The following WWOX variants were observed in gnomAD, a reference collection of about 807,000 sequenced individuals.
WWOX encodes WW domain-containing oxidoreductase.
Under a neutral mutation model 46.2 loss-of-function variants are expected in WWOX, and 69 were observed. The ratio of observed to expected loss-of-function variants is 1.49; its 90% CI spans 1.23 to 1.82. The LOEUF is 1.82. Ranked by LOEUF, WWOX falls within the 40% of genes most tolerant of loss-of-function variation. The probability of loss-of-function intolerance (pLI) is 0.00; values close to 1 mark genes in which losing one functional copy is unlikely to be tolerated. For missense variants in WWOX, 919 were observed against 542.6 expected (o/e 1.69, Z -6.89); for synonymous variants, 359 against 202.6 (o/e 1.77, Z -6.56).
intron 8 of WWOX, among the ~76,000 whole-genome samples, chr16:78,630,189 C>T (rs1341766244): frequency 6.6e-6 from 1 of 152,258 alleles, no homozygotes; most frequent in South Asian, 2.1e-4. Flanking sequence ...ATTGTGTATT[C>T]CTCATCTGGC....
intron 8 of WWOX, among the ~76,000 whole-genome samples, chr16:78,665,355 A>G (rs1235475533): frequency 6.6e-6 from 1 of 152,174 alleles, no homozygotes. Flanking sequence ...ATAACTGTGA[A>G]TTTGAATATA....
At chr16:78,584,664 G>C (rs542147695) in intron 8 of WWOX, among the ~76,000 whole-genome samples, 1 of 152,184 alleles carries the variant, frequency 6.6e-6, no homozygotes, top group Non-Finnish European at 1.5e-5. Context: ...TTGTGTAAAC[G>C]TGAAAAGCAG....
intron 5 of WWOX, among the ~76,000 whole-genome samples, chr16:78,327,314 G>A (rs1424758300): frequency 6.6e-6 from 1 of 152,138 alleles, no homozygotes; most frequent in Non-Finnish European, 1.5e-5. Flanking sequence ...CTAAAAGTTG[G>A]GATGGGGGTG....
chr16:78,894,066 TCTTG>T (rs2044650144), intron 8 of WWOX, among the ~76,000 whole-genome samples: 1 of 148,884 alleles, frequency 6.7e-6, no homozygotes, highest in Non-Finnish European at 1.5e-5. Flanking sequence ...TGAGACAGGG[TCTTG>T]CTTTCTTGCC....
intron 8 of WWOX, among the ~76,000 whole-genome samples, chr16:78,950,810 C>T (rs568259706): frequency 3.3e-5 from 5 of 152,214 alleles, no homozygotes; most frequent in South Asian, 2.1e-4. Flanking sequence ...TGAAGGTTGG[C>T]ACCTTTGGGG....
chr16:78,664,559 T>C (rs938753102), intron 8 of WWOX, among the ~76,000 whole-genome samples: 1 of 152,184 alleles, frequency 6.6e-6, no homozygotes, highest in East Asian at 1.9e-4. Flanking sequence ...CCACTTAAAA[T>C]GTGAGCAGAG....
intron 7 of WWOX, among the ~76,000 whole-genome samples, chr16:78,429,302 A>C (rs2083162053): frequency 6.6e-6 from 1 of 152,198 alleles, no homozygotes; most frequent in African/African-American, 2.4e-5. Flanking sequence ...GAACACTAGG[A>C]ATGGTGTCAT....
rs149786364 is a variant in WWOX, at chr16:78,769,042, A to T, written c.1056+336290A>T. Reference sequence around the variant, plus strand: ...GTCAATTTGTTGTTATTTTTCTTCAAGAGAGTTGTTGGGGTTGGGTAGGCG... The same window carrying T: ...GTCAATTTGTTGTTATTTTTCTTCATGAGAGTTGTTGGGGTTGGGTAGGCG... On this transcript the variant is annotated intron_variant, in intron 8 of 8. Transcript: ENST00000566780. 6.6e-5 allele frequency among the ~76,000 whole-genome samples: 10 copies of T among 152,264 alleles called. No individual in the cohort carries two copies. In the East Asian group the frequency reaches 1.9e-3, roughly 29 times the overall value.
At chr16:78,686,714 C>T (rs550679520) in intron 8 of WWOX, among the ~76,000 whole-genome samples, 2 of 152,110 alleles carry the variant, frequency 1.3e-5, no homozygotes, top group African/African-American at 4.8e-5. Flanking sequence ...TTAGGAAAGG[C>T]CCAGTAGGCA....
intron 8 of WWOX, among the ~76,000 whole-genome samples, chr16:78,919,702 G>A (rs994006328): frequency 7.2e-5 from 11 of 151,854 alleles, no homozygotes; most frequent in African/African-American, 2.4e-4. Context: ...ATTTTTAGGA[G>A]AGAGGGGTTT....
At chr16:78,290,224 A>AGAGCACTCTGCGAGCACTCTGC (rs201738326) in intron 5 of WWOX, among the ~76,000 whole-genome samples, 1 of 152,046 alleles carries the variant, frequency 6.6e-6, no homozygotes, top group African/African-American at 2.4e-5. Context: ...ATTTACTTAG[A>AGAGCACTCTGCGAGCACTCTGC]GAGCACTCTG....
At chr16:78,105,522 T>C (rs542342820) in intron 1 of WWOX, among the ~76,000 whole-genome samples, 82 of 152,152 alleles carry the variant, frequency 5.4e-4, no homozygotes, top group Non-Finnish European at 5.6e-4. Context: ...GAAACCCTGA[T>C]TCAGGCATGT....
intron 8 of WWOX, among the ~76,000 whole-genome samples, chr16:79,081,268 A>G (rs1278627829): frequency 1.3e-5 from 2 of 152,092 alleles, no homozygotes; most frequent in African/African-American, 4.8e-5. Context: ...TGTTCAAGTG[A>G]TTCTCCTGTC....
intron 8 of WWOX, among the ~76,000 whole-genome samples, chr16:79,084,452 G>C (rs970150178): frequency 6.6e-6 from 1 of 152,008 alleles, no homozygotes; most frequent in African/African-American, 2.4e-5. Context: ...ATGGAGTCTC[G>C]CTCTGTTGCC....
chr16:79,109,572 A>G (rs1192004614), intron 8 of WWOX, among the ~76,000 whole-genome samples: 1 of 152,216 alleles, frequency 6.6e-6, no homozygotes, highest in Non-Finnish European at 1.5e-5. Context: ...GTGGAGAGCA[A>G]TGTAAGGCAG....
chr16:79,053,693 G>C (rs573948826), intron 8 of WWOX, among the ~76,000 whole-genome samples: 1 of 152,260 alleles, frequency 6.6e-6, no homozygotes, highest in East Asian at 1.9e-4. Flanking sequence ...CGCTTTTAGA[G>C]GATTTTGCAT....
intron 8 of WWOX, among the ~76,000 whole-genome samples, chr16:78,462,113 C>T (rs2083965551): frequency 6.6e-6 from 1 of 152,188 alleles, no homozygotes. Context: ...CTCTTGAAGG[C>T]AGGCTTAACA....
At chr16:79,201,729 G>GT (rs5818211) in intron 8 of WWOX, among the ~76,000 whole-genome samples, 78,843 of 151,094 alleles carry the variant, frequency 0.52, 22,795 homozygotes, top group Non-Finnish European at 0.67. Flanking sequence ...CTTTTTTCCT[G>GT]TTTTTTTTCA....
At chr16:78,471,607 C>G (rs563412498) in intron 8 of WWOX, among the ~76,000 whole-genome samples, 1 of 152,124 alleles carries the variant, frequency 6.6e-6, no homozygotes, top group Non-Finnish European at 1.5e-5. Context: ...TATTATTGCC[C>G]TTTTTCTTCT....
Sources: gnomAD v4.1 joint callset for allele counts (sites outside exome capture counted in the v4.1 genomes callset) on GRCh38, gnomAD v4.1.1 for gene constraint, MANE v1.5 for transcripts, NCBI Gene and HGNC (gene_info 2026-07-23, HGNC 2026-07-21) for gene names.